Variants in POT1 observed in about 807,000 individuals in gnomAD.
POT1 encodes protection of telomeres protein 1.
In POT1, 47 loss-of-function variants were observed where a neutral mutation model predicts 78.5. That is an observed-to-expected ratio of 0.60 (90% CI 0.47 to 0.76). POT1 has a LOEUF of 0.76. Ranked by LOEUF, POT1 falls within the 30% of genes least tolerant of loss-of-function variation. POT1 has a pLI of 0.00. For missense variants in POT1, 646 were observed against 749.9 expected, an observed-to-expected ratio of 0.86 and a Z score of 1.62; for synonymous variants, 259 against 260.7, an observed-to-expected ratio of 0.99 and a Z score of 0.06.
intron 6 of POT1, among the ~76,000 whole-genome samples, chr7:124,887,000 C>T (rs1265141345): frequency 6.6e-6 from 1 of 151,842 alleles, no homozygotes; most frequent in Non-Finnish European, 1.5e-5. Context: ...GTAGCTTATT[C>T]CTAAGTTTGG....
intron 10 of POT1, 143 bp from the exon 11 acceptor site, chr7:124,852,094 G>T: frequency 1.8e-6 from 1 of 570,280 alleles, no homozygotes; most frequent in South Asian, 2.3e-5. Flanking sequence ...AGGATCTATT[G>T]CTTTCATCAG....
intron 2 of POT1, among the ~76,000 whole-genome samples, chr7:124,917,021 G>A (rs1797030198): frequency 6.6e-6 from 1 of 152,082 alleles, no homozygotes; most frequent in Admixed American, 6.6e-5. Flanking sequence ...CACTGCAGCT[G>A]GAAGGCAAGA....
At chr7:124,895,309 C>T (rs771933539) in intron 5 of POT1, among the ~76,000 whole-genome samples, 1 of 151,562 alleles carries the variant, frequency 6.6e-6, no homozygotes, top group Non-Finnish European at 1.5e-5. Flanking sequence ...TCATTAAGTA[C>T]ATCACTTGAT....
At chr7:124,883,359 T>C (rs1002265456) in intron 6 of POT1, among the ~76,000 whole-genome samples, 2 of 152,132 alleles carry the variant, frequency 1.3e-5, no homozygotes, top group South Asian at 2.1e-4. Flanking sequence ...CTAATAGTTA[T>C]AGTAATTGTA....
At chr7:124,828,724 A>T (rs1274407370) in intron 16 of POT1, among the ~76,000 whole-genome samples, 1 of 152,212 alleles carries the variant, frequency 6.6e-6, no homozygotes, top group African/African-American at 2.4e-5. Context: ...CATTAAGAAT[A>T]GAATGAGAAG....
chr7:124,863,487 G>A lies in POT1; in HGVS notation c.409C>T (p.Arg137Cys), dbSNP rs765706794. The A allele has an allele frequency of 6.8e-6, 11 of 1,613,824 alleles. No homozygotes were observed. The highest frequency in any genetic ancestry group is 2.2e-5 in the East Asian group (1 of 44,880). ...TEDHKMVEALRVWASTHMSPS... is the reference protein window; with the variant it reads ...TEDHKMVEALCVWASTHMSPS... ...GACATATGAGTAGATGCCCAAACAC[G>A]TAAGGCTTCTACCATTTTGTGGTCC... is the stretch of plus-strand genomic sequence containing the variant. Residue 137 changes from arginine to cysteine, a missense_variant, in exon 8 of 19, where the codon CGT becomes TGT. Coordinates refer to ENST00000357628, the MANE Select transcript of POT1 (RefSeq NM_015450.3).
At chr7:124,862,177 G>C in intron 8 of POT1, among the ~76,000 whole-genome samples, 1 of 152,064 alleles carries the variant, frequency 6.6e-6, no homozygotes, top group South Asian at 2.1e-4. Context: ...TGTTACAATG[G>C]GATGCAGGTA....
At chr7:124,831,999 TAAAAA>T (rs752861454) in intron 15 of POT1, among the ~76,000 whole-genome samples, 3 of 75,654 alleles carry the variant, frequency 4.0e-5, no homozygotes, top group African/African-American at 8.4e-5. Flanking sequence ...TTCTTAAAAA[TAAAAA>T]AAAAAAAAAA....
intron 12 of POT1, chr7:124,843,283 G>A (rs181273577): frequency 4.6e-4 from 80 of 175,450 alleles, no homozygotes; most frequent in Middle Eastern, 2.4e-3. Context: ...CTAGGCAACC[G>A]TTTAAGTTCT....
At chr7:124,839,126 G>A (rs56387611) in intron 14 of POT1, among the ~76,000 whole-genome samples, 30,589 of 152,134 alleles carry the variant, frequency 0.2, 3,822 homozygotes, top group East Asian at 0.3. Flanking sequence ...AAACAGAATA[G>A]AGAACACAGA....
At chr7:124,826,951 A>G (rs1057131365) in intron 17 of POT1, among the ~76,000 whole-genome samples, 4 of 152,204 alleles carry the variant, frequency 2.6e-5, no homozygotes, top group African/African-American at 9.6e-5. Context: ...GTGTGGCCGT[A>G]TCTCTGCATT....
At position 124,863,482 on chromosome 7, in the gene POT1, A is replaced by G. The variant is rs1182822582; in HGVS notation, c.414T>C (p.Val138=). ...ACGGTGACATATGAGTAGATGCCCA[A>G]ACACGTAAGGCTTCTACCATTTTGT... ...EDHKMVEALR[V]WASTHMSPSW... is the part of the protein sequence containing the mutation. Residue 138 remains valine (V), a synonymous_variant, in exon 8 of 19, where the codon GTT becomes GTC. Transcript: ENST00000357628. 2.5e-6 allele frequency: 4 copies of G among 1,613,864 alleles called. No homozygotes were observed. The African/African-American group carries it at 5.3e-5, about 22-fold the overall frequency.
chr7:124,894,269 AAAAG>A (rs1411432238), intron 5 of POT1, among the ~76,000 whole-genome samples: 1 of 151,610 alleles, frequency 6.6e-6, no homozygotes, highest in African/African-American at 2.4e-5. Context: ...AATGATTAAA[AAAAG>A]AATGATGGAA....
chr7:124,854,027 G>T (rs758664281), intron 9 of POT1, among the ~76,000 whole-genome samples: 30 of 151,810 alleles, frequency 2.0e-4, no homozygotes, highest in Non-Finnish European at 2.9e-4. Flanking sequence ...ATGACTATAG[G>T]GATACCACTT....
chr7:124,916,605 A>G (rs10233596), intron 2 of POT1, among the ~76,000 whole-genome samples: 30,696 of 152,106 alleles, frequency 0.2, 3,789 homozygotes, highest in East Asian at 0.3. Flanking sequence ...GAAATGAGAA[A>G]AAAATAGTTA....
intron 11 of POT1, among the ~76,000 whole-genome samples, chr7:124,848,112 C>T (rs939961667): frequency 6.6e-6 from 1 of 152,082 alleles, no homozygotes; most frequent in African/African-American, 2.4e-5. Flanking sequence ...AAAAAGAGTA[C>T]ATATGATTCA....
At chr7:124,900,695 A>G (rs1796596663) in intron 3 of POT1, 2 of 211,028 alleles carry the variant, frequency 9.5e-6, no homozygotes, top group East Asian at 1.2e-4. Context: ...GAAGCAGGGC[A>G]GGGCATCGCC....
intron 16 of POT1, among the ~76,000 whole-genome samples, chr7:124,828,189 G>A (rs1381628906): frequency 3.3e-5 from 5 of 152,098 alleles, no homozygotes; most frequent in South Asian, 2.1e-4. Flanking sequence ...GTTAAATACC[G>A]TTTTAGCATG....
intron 14 of POT1, among the ~76,000 whole-genome samples, chr7:124,836,159 A>T (rs936011039): frequency 5.9e-5 from 9 of 152,224 alleles, no homozygotes; most frequent in African/African-American, 2.2e-4. Flanking sequence ...CCAAAGACAC[A>T]CTTGACTATA....
Sources: gnomAD v4.1 joint callset for allele counts (sites outside exome capture counted in the v4.1 genomes callset) on GRCh38, gnomAD v4.1.1 for gene constraint, MANE v1.5 for transcripts, NCBI Gene and HGNC (gene_info 2026-07-23, HGNC 2026-07-21) for gene names.